KLHL32: variants seen among roughly 807,000 people sequenced by gnomAD.
The protein encoded by KLHL32 is kelch like family member 32.
KLHL32 carries 35 observed loss-of-function variants against 64.8 expected under a neutral mutation model. That is an observed-to-expected ratio of 0.54 (90% CI 0.41 to 0.72). The LOEUF (loss-of-function observed/expected upper bound fraction) is 0.72. Ranked by LOEUF, KLHL32 falls within the 30% of genes least tolerant of loss-of-function variation. The probability of loss-of-function intolerance (pLI) is 0.00; values close to 1 mark genes in which losing one functional copy is unlikely to be tolerated. For missense variants in KLHL32, 589 were observed against 768.5 expected, an observed-to-expected ratio of 0.77 and a Z score of 2.76; for synonymous variants, 259 against 281.0, an observed-to-expected ratio of 0.92 and a Z score of 0.78.
chr6:97,072,389 T>C (rs1790886820), intron 5 of KLHL32, among the ~76,000 whole-genome samples: 1 of 152,232 alleles, frequency 6.6e-6, no homozygotes, highest in African/African-American at 2.4e-5. Flanking sequence ...TCTTAATCCA[T>C]GAAAAATTCT....
intron 1 of KLHL32, among the ~76,000 whole-genome samples, chr6:96,937,837 A>T (rs145125268): frequency 6.6e-6 from 1 of 152,126 alleles, no homozygotes; most frequent in East Asian, 1.9e-4. Context: ...ATCTTTAGAG[A>T]TGTGGCTTCC....
At chr6:96,914,161 G>A in the KLHL32 span, among the ~76,000 whole-genome samples, 1 of 152,164 alleles carries the variant, frequency 6.6e-6, no homozygotes, top group Non-Finnish European at 1.5e-5. Context: ...CACAGAAACA[G>A]TGTCACTAGA....
intron 3 of KLHL32, among the ~76,000 whole-genome samples, chr6:97,001,182 G>A (rs1778981994): frequency 6.6e-6 from 1 of 152,126 alleles, no homozygotes; most frequent in Non-Finnish European, 1.5e-5. Context: ...TTTGGATTTG[G>A]TGAATAATGA....
chr6:97,101,496 A>C (rs1795720403), intron 6 of KLHL32, among the ~76,000 whole-genome samples: 1 of 152,222 alleles, frequency 6.6e-6, no homozygotes. Context: ...CATATAATGG[A>C]CACTTAAGAA....
chr6:97,088,270 A>T (rs975754305), intron 6 of KLHL32, among the ~76,000 whole-genome samples: 1 of 152,220 alleles, frequency 6.6e-6, no homozygotes, highest in African/African-American at 2.4e-5. Context: ...CCAGCAATTT[A>T]TCAGGTTCCA....
intron 3 of KLHL32, among the ~76,000 whole-genome samples, chr6:96,988,855 C>G (rs567039623): frequency 1.9e-4 from 29 of 150,274 alleles, no homozygotes; most frequent in Non-Finnish European, 3.2e-4. Flanking sequence ...GTTGCAAGGA[C>G]AAAAAACCAA....
intron 3 of KLHL32, among the ~76,000 whole-genome samples, chr6:96,982,456 T>C (rs1368940644): frequency 2.0e-5 from 3 of 152,184 alleles, no homozygotes; most frequent in East Asian, 1.9e-4. Flanking sequence ...GCATGTGAGA[T>C]GGGTCTCTTG....
intron 4 of KLHL32, among the ~76,000 whole-genome samples, chr6:97,042,216 A>G (rs1328338904): frequency 6.6e-6 from 1 of 152,254 alleles, no homozygotes. Flanking sequence ...TTCTTTAACA[A>G]CATTTCATCC....
At chr6:96,899,863 T>C in the KLHL32 span, among the ~76,000 whole-genome samples, 8 of 152,352 alleles carry the variant, frequency 5.3e-5, no homozygotes, top group East Asian at 1.5e-3. Flanking sequence ...CTGCTTAGAA[T>C]GAAGCTTCCA....
At position 97,020,382 on chromosome 6, in the gene KLHL32, A is replaced by G. The variant is rs925270314; in HGVS notation, c.205-21110A>G. 2.3e-4 allele frequency among the ~76,000 whole-genome samples: 35 copies of G among 151,278 alleles called. 2 individuals are homozygous for G. The highest frequency in any genetic ancestry group is 8.6e-4 in the African/African-American group (35 of 40,526). ...ATAATGATTACCAGAAATACTATAG[A>G]AACTCTATGCCAATAAACTTCAAAA... On this transcript the variant is annotated intron_variant, in intron 3 of 10. Transcript: ENST00000369261.
chr6:97,015,110 G>T (rs908386934), intron 3 of KLHL32, among the ~76,000 whole-genome samples: 11 of 152,156 alleles, frequency 7.2e-5, no homozygotes, highest in Non-Finnish European at 1.3e-4. Context: ...CTTGCCTTCT[G>T]CCATGATTGT....
intron 1 of KLHL32, among the ~76,000 whole-genome samples, chr6:96,955,064 A>G (rs1773098528): frequency 6.6e-6 from 1 of 152,156 alleles, no homozygotes; most frequent in Non-Finnish European, 1.5e-5. Flanking sequence ...AGAGGAAGCA[A>G]GCTCTGTTTT....
At chr6:96,942,599 T>C (rs1771428042) in intron 1 of KLHL32, among the ~76,000 whole-genome samples, 2 of 151,978 alleles carry the variant, frequency 1.3e-5, no homozygotes. Context: ...ATTGAAATCC[T>C]CAATCTTTTA....
chr6:97,139,347 G>A lies in KLHL32; in HGVS notation c.*65G>A, dbSNP rs949938371. 18 of 1,350,550 alleles carry A rather than the reference G, an allele frequency of 1.3e-5. No homozygotes were observed. Among genetic ancestry groups the A allele is most frequent in the Non-Finnish European group, 1.7e-5 (17 of 971,532 alleles). The allele number at this position is 1,350,550 out of a possible 1,614,324, so 83.7% of individuals were successfully genotyped here. Reference sequence around the variant, plus strand: ...GACTGTTGGATACTGGGCATGAAAAGACTCAGTGCTCCATGCTTCCTTGTC... The same window carrying A: ...GACTGTTGGATACTGGGCATGAAAAAACTCAGTGCTCCATGCTTCCTTGTC... On this transcript the variant is annotated 3_prime_UTR_variant, in exon 11 of 11. Coordinates refer to ENST00000369261, the MANE Select transcript of KLHL32 (RefSeq NM_052904.4).
chr6:97,010,486 T>C (rs1378750819), intron 3 of KLHL32, among the ~76,000 whole-genome samples: 1 of 152,236 alleles, frequency 6.6e-6, no homozygotes, highest in Non-Finnish European at 1.5e-5. Flanking sequence ...AGTTTATAAA[T>C]TGAATCCTAT....
intron 1 of KLHL32, among the ~76,000 whole-genome samples, chr6:96,936,615 A>C (rs975982952): frequency 6.6e-6 from 1 of 152,184 alleles, no homozygotes; most frequent in Admixed American, 6.5e-5. Flanking sequence ...AGTCAACATT[A>C]CCTGTTGCTT....
chr6:97,004,953 A>G (rs1297618667), intron 3 of KLHL32, among the ~76,000 whole-genome samples: 1 of 148,312 alleles, frequency 6.7e-6, no homozygotes, highest in African/African-American at 2.5e-5. Flanking sequence ...TTTTTTTGTT[A>G]TGGGTCTGCT....
chr6:97,075,248 C>T (rs570479814), intron 5 of KLHL32, among the ~76,000 whole-genome samples: 1 of 152,266 alleles, frequency 6.6e-6, no homozygotes, highest in East Asian at 1.9e-4. Context: ...GCTGCTAATA[C>T]TTTGTTTTCA....
intron 4 of KLHL32, among the ~76,000 whole-genome samples, chr6:97,060,469 C>T (rs77699016): frequency 0.02 from 3,057 of 152,260 alleles, 108 homozygotes; most frequent in African/African-American, 0.069. Context: ...TCCACCCTCC[C>T]AGAGCCCCCA....
Sources: allele counts gnomAD v4.1 joint callset (sites outside exome capture counted in the v4.1 genomes callset), GRCh38; gene constraint gnomAD v4.1.1; transcripts MANE v1.5; gene names NCBI Gene and HGNC (gene_info 2026-07-23, HGNC 2026-07-21).